LRATD1: variants seen among roughly 807,000 people sequenced by gnomAD.
The protein encoded by LRATD1 is protein LRATD1.
Under a neutral mutation model 21.3 loss-of-function variants are expected in LRATD1, and 8 were observed. The observed-to-expected ratio is 0.38, with a 90% CI of 0.22 to 0.68. The LOEUF is 0.68. Ranked by LOEUF, LRATD1 falls within the 30% of genes least tolerant of loss-of-function variation. LRATD1 has a pLI of 0.54. For synonymous variants in LRATD1, 210 were observed against 186.2 expected (o/e 1.13, Z -1.04); for missense variants, 380 against 404.0 (o/e 0.94, Z 0.51).
At position 14,635,343 on chromosome 2, in the gene LRATD1, C is replaced by T. The variant is rs1415141557; in HGVS notation, c.*485C>T. The T allele has an allele frequency of 2.1e-6, 1 of 476,980 alleles. No individual in the cohort carries two copies. Among genetic ancestry groups the T allele is most frequent in the Non-Finnish European group, 4.3e-6 (1 of 231,428 alleles). The allele number at this position is 476,980 out of a possible 1,614,324, so 29.5% of individuals were successfully genotyped here. A position where few individuals can be genotyped will look rare whatever the true frequency, so the allele number is the denominator to read the frequency against. ...CAGTTCAGCTCCTCTGTGGATGCGT[C>T]CCCAGATCGCAGGATTTCCAAGAAA... On this transcript the variant is annotated 3_prime_UTR_variant, in exon 2 of 2. Coordinates refer to ENST00000295092, the MANE Select transcript of LRATD1 (RefSeq NM_145175.4).
At chr2:14,649,404 C>T in exon 5 of LRATD1, 1 of 456,158 alleles carries the variant, frequency 2.2e-6, no homozygotes, top group Non-Finnish European at 4.4e-6. Flanking sequence ...CCCCCTCGAC[C>T]TGGGTGAATG....
In LRATD1 at chr2:14,634,518, G is replaced by C. The variant is rs747397113; in HGVS notation, c.539G>C (p.Ser180Thr). The change falls in exon 2 of 2, where the codon AGC becomes ACC. Residue 180 changes from serine (S) to threonine (T), a missense_variant. Transcript: ENST00000295092. ...GCCAACGTGGGCCGGGTGGTGAATA[G>C]CTGGTACCGCTACCGCCCGCTGGTG... Reference protein sequence around the residue: ...GAANVGRVVNSWYRYRPLVAE... With the variant: ...GAANVGRVVNTWYRYRPLVAE... The C allele has an allele frequency of 1.3e-6, 2 of 1,504,918 alleles. No homozygotes were observed. Among genetic ancestry groups the C allele is most frequent in the Non-Finnish European group, 1.8e-6 (2 of 1,128,128 alleles). The allele number at this position is 1,504,918 out of a possible 1,614,324, so 93.2% of individuals were successfully genotyped here. A position where few individuals can be genotyped will look rare whatever the true frequency, so the allele number is the denominator to read the frequency against.
rs763337735 is a variant in LRATD1 at position 14,634,210 on chromosome 2, C to A, written c.231C>A (p.His77Gln). The change falls in exon 2 of 2, where the codon CAC becomes CAA. Residue 77 changes from histidine to glutamine, a missense_variant. His to Gln is a conservative substitution (Grantham distance 24). Transcript: ENST00000295092. ...GCCGCCACCACCACCACCTGCTGCA[C>A]CAGCTGGTCCTCAACGAGACTCAGT... ...SPSRHHHHLL[H>Q]QLVLNETQFS... is the part of the protein sequence containing the mutation. 1.2e-6 allele frequency: 2 copies of A among 1,613,298 alleles called. No homozygotes were observed. The highest frequency in any genetic ancestry group is 3.3e-5 in the Admixed American group (2 of 60,014).
chr2:14,644,695 C>G (rs1418456444), downstream of LRATD1, among the ~76,000 whole-genome samples: 2 of 152,042 alleles, frequency 1.3e-5, no homozygotes, highest in Non-Finnish European at 2.9e-5. Flanking sequence ...AATGCAAGAG[C>G]TTCTTGGAGT....
At chr2:14,646,202 A>G (rs528481020) in exon 3 of LRATD1, 2 of 152,296 alleles carry the variant, frequency 1.3e-5, no homozygotes, top group East Asian at 1.9e-4. Flanking sequence ...ATTTTTCACA[A>G]TGATCTACCT....
In LRATD1 at chr2:14,635,315, G is replaced by GC. The variant is rs1239750921; in HGVS notation, c.*458dup. 2.1e-6 allele frequency: 1 copy of GC among 482,392 alleles called. No individual in the cohort carries two copies. The highest frequency in any genetic ancestry group is 1.5e-5 in the South Asian group (1 of 64,666). The allele number at this position is 482,392 out of a possible 1,614,324, so 29.9% of individuals were successfully genotyped here. A position where few individuals can be genotyped will look rare whatever the true frequency, so the allele number is the denominator to read the frequency against. On this transcript the variant is annotated 3_prime_UTR_variant, in exon 2 of 2. Transcript: ENST00000295092. ...GGAGGCGAGAACTGGTCTCTACAGG[G>GC]CACAGTTCAGCTCCTCTGTGGATGC... is the stretch of plus-strand genomic sequence containing the variant.
chr2:14,649,177 G>A (rs977817077), intron 4 of LRATD1: 2 of 431,288 alleles, frequency 4.6e-6, no homozygotes, highest in Admixed American at 4.8e-5. Flanking sequence ...CTCCTCTAGA[G>A]CATGAGCATG....
In LRATD1 at chr2:14,639,336, AG is replaced by A. The variant is rs1211234239; in HGVS notation, c.*4480del. ...CTCTAACTAAAAGGAAAAAATTCAA[AG>A]GAAAGTTGTAAATATTAGGAAGTAA... is the stretch of plus-strand genomic sequence containing the variant. On this transcript the variant is annotated 3_prime_UTR_variant, in exon 2 of 2. Coordinates refer to ENST00000295092, the MANE Select transcript of LRATD1 (RefSeq NM_145175.4). The A allele has an allele frequency of 6.0e-6, 1 of 167,082 alleles. No homozygotes were observed. The highest frequency in any genetic ancestry group is 1.9e-4 in the East Asian group (1 of 5,202). 10.3% of individuals were successfully genotyped at this position (167,082 alleles called of 1,614,324 possible).
rs923291355 is a variant in LRATD1, at chr2:14,634,282, T to C, written c.303T>C (p.Gly101=). The C allele has an allele frequency of 1.2e-6, 2 of 1,604,956 alleles. No homozygotes were observed. Residue 101 remains glycine (G), a synonymous_variant, in exon 2 of 2, where the codon GGT becomes GGC. Coordinates refer to ENST00000295092, the MANE Select transcript of LRATD1 (RefSeq NM_145175.4). ...AATGCATCTTTTCCAAAGTGAGCGG[T>C]GGCCCTCAGGGCGCCGACCTAAGCG... is the stretch of plus-strand genomic sequence containing the variant. ...GQECIFSKVS[G]GPQGADLSVY...
At chr2:14,641,742 A>G (rs554167870), downstream of LRATD1, among the ~76,000 whole-genome samples, 9 of 152,266 alleles carry the variant, frequency 5.9e-5, no homozygotes, top group Admixed American at 4.6e-4. Context: ...TTTGTAGAAC[A>G]CGTAGTTTTC....
chr2:14,643,735 A>G (rs1473408548), downstream of LRATD1, among the ~76,000 whole-genome samples: 1 of 152,166 alleles, frequency 6.6e-6, no homozygotes, highest in South Asian at 2.1e-4. Context: ...GGCCAAATTC[A>G]TCCTCTCCCA....
chr2:14,645,685 T>C (rs1220576961), intron 2 of LRATD1, among the ~76,000 whole-genome samples: 1 of 152,148 alleles, frequency 6.6e-6, no homozygotes, highest in African/African-American at 2.4e-5. Context: ...TTATATAATA[T>C]CTTAAGTCTC....
chr2:14,646,603 T>C (rs537963539), intron 4 of LRATD1: 40 of 152,304 alleles, frequency 2.6e-4, no homozygotes, highest in African/African-American at 8.9e-4. Context: ...AGAAGTTAAA[T>C]ATTCTGGATA....
rs1252818151 is a variant in LRATD1 at position 14,635,646 on chromosome 2, TGA to T, written c.*790_*791del. The T allele has an allele frequency of 2.3e-5, 11 of 470,204 alleles. No individual in the cohort carries two copies. Among genetic ancestry groups the T allele is most frequent in the Admixed American group, 7.1e-5 (3 of 42,532 alleles). The allele number at this position is 470,204 out of a possible 1,614,324, so 29.1% of individuals were successfully genotyped here. ...GAGGAAGATGGCGCTGCGAATTCGG[TGA>T]GGACAGCCGGCCCCGCCCCCGACAA... On this transcript the variant is annotated 3_prime_UTR_variant, in exon 2 of 2. Transcript: ENST00000295092.
At chr2:14,645,113 C>A (rs1487804641) in intron 2 of LRATD1, among the ~76,000 whole-genome samples, 4 of 152,124 alleles carry the variant, frequency 2.6e-5, no homozygotes, top group African/African-American at 4.8e-5. Flanking sequence ...AATTGAATTT[C>A]TTTGAAGAAA....
rs1217457990 is a variant in LRATD1, at chr2:14,638,902, T to A, written c.*4044T>A. 1.2e-5 allele frequency: 2 copies of A among 166,982 alleles called. No homozygotes were observed. The highest frequency in any genetic ancestry group is 2.4e-5 in the African/African-American group (1 of 41,410). The allele number at this position is 166,982 out of a possible 1,614,324, so 10.3% of individuals were successfully genotyped here. A position where few individuals can be genotyped will look rare whatever the true frequency, so the allele number is the denominator to read the frequency against. On this transcript the variant is annotated 3_prime_UTR_variant, in exon 2 of 2. Coordinates refer to ENST00000295092, the MANE Select transcript of LRATD1 (RefSeq NM_145175.4). ...ATCAAAAACTGAATTTAGAGAATGG[T>A]TATCTAACACTCAAGTCAATGTTTT...
chr2:14,641,232 T>C (rs542208402), downstream of LRATD1, among the ~76,000 whole-genome samples: 31 of 152,246 alleles, frequency 2.0e-4, no homozygotes, highest in African/African-American at 7.5e-4. Context: ...TCCATGTGTC[T>C]TTTAAGGCCA....
chr2:14,636,561 C>A lies in LRATD1; in HGVS notation c.*1703C>A, dbSNP rs1486605017. 1.8e-5 allele frequency: 3 copies of A among 167,102 alleles called. No homozygotes were observed. The highest frequency in any genetic ancestry group is 2.9e-5 in the Non-Finnish European group (2 of 68,152). The allele number at this position is 167,102 out of a possible 1,614,324, so 10.4% of individuals were successfully genotyped here. On this transcript the variant is annotated 3_prime_UTR_variant, in exon 2 of 2. Coordinates refer to ENST00000295092, the MANE Select transcript of LRATD1 (RefSeq NM_145175.4). The stretch of plus-strand genomic sequence containing the variant: ...CCTTCTGTGGACAAGGATTTGTAAA[C>A]TTCTCTCCTCCCTCCAGCTGCGGCC...
chr2:14,639,812 G>A lies in LRATD1; in HGVS notation c.*4954G>A, dbSNP rs1671774245. On this transcript the variant is annotated 3_prime_UTR_variant, in exon 2 of 2. Coordinates refer to ENST00000295092, the MANE Select transcript of LRATD1 (RefSeq NM_145175.4). The stretch of plus-strand genomic sequence containing the variant: ...ACTATGGCAGCTGTCTAGTACAAGT[G>A]CTTCTCACTGATTCTTGGTTACCAG... 6.0e-6 allele frequency: 1 copy of A among 167,080 alleles called. No individual in the cohort carries two copies. The highest frequency in any genetic ancestry group is 2.1e-4 in the South Asian group (1 of 4,832). The allele number at this position is 167,080 out of a possible 1,614,324, so 10.3% of individuals were successfully genotyped here.
Sources: gnomAD v4.1 joint callset for allele counts (sites outside exome capture counted in the v4.1 genomes callset) on GRCh38, gnomAD v4.1.1 for gene constraint, MANE v1.5 for transcripts, NCBI Gene and HGNC (gene_info 2026-07-23, HGNC 2026-07-21) for gene names.